CFAP299: variants seen among roughly 807,000 people sequenced by gnomAD.
CFAP299 encodes the protein cilia- and flagella-associated protein 299.
A neutral mutation model predicts 27.0 loss-of-function variants in CFAP299; 21 were observed. The ratio of observed to expected loss-of-function variants is 0.78; its 90% CI spans 0.55 to 1.12. The LOEUF (loss-of-function observed/expected upper bound fraction) is 1.12. Ranked by LOEUF, CFAP299 falls within the 50% of genes most tolerant of loss-of-function variation. The pLI is 0.00. For missense variants in CFAP299, 310 were observed against 276.6 expected (o/e 1.12, Z -0.86); for synonymous variants, 104 against 98.1 (o/e 1.06, Z -0.36).
Position 80,750,135 on chromosome 4 carries a change from G to A in CFAP299, c.334-119858G>A, listed in dbSNP as rs181837243. ...TTAATGTAGTATAGTTTATGCAAAT[G>A]TATGATAAATCATTCAAACTTTATA... On this transcript the variant is annotated intron_variant, in intron 3 of 5. Transcript: ENST00000358105. 5.8e-3 allele frequency among the ~76,000 whole-genome samples: 883 copies of A among 151,980 alleles called. 7 individuals are homozygous for A. Among genetic ancestry groups the A allele is most frequent in the Non-Finnish European group, 9.3e-3 (631 of 67,960 alleles).
chr4:80,359,943 C>T (rs1723459781), intron 1 of CFAP299, among the ~76,000 whole-genome samples: 2 of 152,110 alleles, frequency 1.3e-5, no homozygotes, highest in Admixed American at 6.6e-5. Flanking sequence ...TCTTTCACAC[C>T]CTTGTGGGCT....
chr4:80,711,375 G>A (rs1244330588), intron 3 of CFAP299, among the ~76,000 whole-genome samples: 4 of 152,192 alleles, frequency 2.6e-5, no homozygotes, highest in African/African-American at 9.6e-5. Context: ...GAGAGAGCTA[G>A]TGTAAGTAAG....
At chr4:80,785,165 T>C in intron 3 of CFAP299, among the ~76,000 whole-genome samples, 1 of 151,696 alleles carries the variant, frequency 6.6e-6, no homozygotes, top group Non-Finnish European at 1.5e-5. Context: ...AGGAGTTTTA[T>C]GGTTTTAGGT....
At chr4:80,476,855 T>C (rs1421057096) in intron 2 of CFAP299, among the ~76,000 whole-genome samples, 3 of 152,146 alleles carry the variant, frequency 2.0e-5, no homozygotes, top group Non-Finnish European at 4.4e-5. Flanking sequence ...TGGCTCTTCC[T>C]TAAGGATACT....
intron 3 of CFAP299, among the ~76,000 whole-genome samples, chr4:80,855,239 G>C (rs977693223): frequency 6.6e-6 from 1 of 152,038 alleles, no homozygotes; most frequent in Non-Finnish European, 1.5e-5. Flanking sequence ...GTGTACATGG[G>C]TGTGTTTCTG....
chr4:80,674,973 C>G (rs532286828), intron 3 of CFAP299, among the ~76,000 whole-genome samples: 2 of 152,144 alleles, frequency 1.3e-5, no homozygotes, highest in Non-Finnish European at 2.9e-5. Context: ...TGAACATCCT[C>G]CTTTAGCTTG....
Position 80,944,948 on chromosome 4 carries a change from TC to T in CFAP299, c.606+10del. 1 of 1,607,620 alleles carries T rather than the reference TC, an allele frequency of 6.2e-7. No homozygotes were observed. The highest frequency in any genetic ancestry group is 8.5e-7 in the Non-Finnish European group (1 of 1,176,140). On this transcript the variant is annotated intron_variant, in intron 5 of 5. Coordinates refer to ENST00000358105, the MANE Select transcript of CFAP299 (RefSeq NM_152770.3). ...TTAATGTGGACCCAAAGGTAATTCTTCTTTTACACTTAGTTAGTTACCTCTT... is the reference window on the plus strand; with the variant it reads ...TTAATGTGGACCCAAAGGTAATTCTTTTTTACACTTAGTTAGTTACCTCTT...
the CFAP299 span, among the ~76,000 whole-genome samples, chr4:80,327,577 G>A: frequency 3.3e-5 from 5 of 151,076 alleles, no homozygotes; most frequent in East Asian, 7.8e-4. Flanking sequence ...CCATTTAGGA[G>A]GCTATTATAG....
chr4:80,505,992 G>A (rs1037686739), intron 2 of CFAP299, among the ~76,000 whole-genome samples: 26 of 150,032 alleles, frequency 1.7e-4, no homozygotes, highest in African/African-American at 5.7e-4. Context: ...ACACACACGT[G>A]TGTGCGTGTA....
chr4:80,739,655 C>T (rs906553872), intron 3 of CFAP299, among the ~76,000 whole-genome samples: 87 of 151,940 alleles, frequency 5.7e-4, no homozygotes, highest in African/African-American at 2.0e-3. Flanking sequence ...AGTCCCCTGA[C>T]ATAGTCTTCT....
intron 2 of CFAP299, among the ~76,000 whole-genome samples, chr4:80,487,516 C>T (rs1730883677): frequency 6.6e-6 from 1 of 152,118 alleles, no homozygotes; most frequent in East Asian, 1.9e-4. Flanking sequence ...CCATATTCTC[C>T]TTAAGTTACT....
At chr4:80,942,015 A>G (rs547779415) in intron 4 of CFAP299, among the ~76,000 whole-genome samples, 1 of 152,310 alleles carries the variant, frequency 6.6e-6, no homozygotes, top group African/African-American at 2.4e-5. Flanking sequence ...TCCAAACCAT[A>G]TCAATGGCTT....
At chr4:80,567,266 A>T (rs1417645587) in intron 2 of CFAP299, among the ~76,000 whole-genome samples, 1 of 152,082 alleles carries the variant, frequency 6.6e-6, no homozygotes, top group African/African-American at 2.4e-5. Flanking sequence ...ATAAAAAAAG[A>T]CGGGGAAAGT....
chr4:80,933,301 T>A (rs1425075953), intron 4 of CFAP299, among the ~76,000 whole-genome samples: 1 of 152,098 alleles, frequency 6.6e-6, no homozygotes, highest in Non-Finnish European at 1.5e-5. Context: ...TCTCCTCACT[T>A]CATCCTCCCA....
chr4:80,729,526 C>T (rs1285673783), intron 3 of CFAP299, among the ~76,000 whole-genome samples: 2 of 151,372 alleles, frequency 1.3e-5, no homozygotes, highest in Admixed American at 6.6e-5. Context: ...AAGTATGCTG[C>T]CGTGTTATAA....
chr4:80,471,580 G>A (rs1729996926), intron 2 of CFAP299, among the ~76,000 whole-genome samples: 1 of 119,772 alleles, frequency 8.3e-6, no homozygotes, highest in African/African-American at 3.1e-5. Flanking sequence ...GCGGGGGTGG[G>A]GGTGGGGGGG....
rs556681789 is a variant in CFAP299 at position 80,946,021 on chromosome 4, C to T, written c.606+1082C>T. Among the ~76,000 whole-genome samples, 776 of 150,852 alleles carry T rather than the reference C, an allele frequency of 5.1e-3. 2 individuals are homozygous for T. The highest frequency in any genetic ancestry group is 0.014 in the Middle Eastern group (4 of 292). On this transcript the variant is annotated intron_variant, in intron 5 of 5. Coordinates refer to ENST00000358105, the MANE Select transcript of CFAP299 (RefSeq NM_152770.3). ...ATACAAAATTATCCAGGCATGGTGT[C>T]GCATGCCTGTAATCCCAGCTATTCA...
At chr4:80,555,367 A>T (rs1734731965) in intron 2 of CFAP299, among the ~76,000 whole-genome samples, 1 of 152,150 alleles carries the variant, frequency 6.6e-6, no homozygotes, top group Non-Finnish European at 1.5e-5. Context: ...ATGGTAGATT[A>T]GCTTTTTGAT....
chr4:80,514,441 T>C (rs978508487), intron 2 of CFAP299, among the ~76,000 whole-genome samples: 12 of 152,092 alleles, frequency 7.9e-5, no homozygotes, highest in Non-Finnish European at 2.9e-5. Context: ...AAAACGCGTA[T>C]ATCTTAAAAT....
Sources: gnomAD v4.1 joint callset for allele counts (sites outside exome capture counted in the v4.1 genomes callset) on GRCh38, gnomAD v4.1.1 for gene constraint, MANE v1.5 for transcripts, NCBI Gene and HGNC (gene_info 2026-07-23, HGNC 2026-07-21) for gene names.